Variants in TG observed in about 807,000 individuals in gnomAD.
The protein encoded by TG is thyroid hormones.
A neutral mutation model predicts 324.7 loss-of-function variants in TG; 270 were observed. The ratio of observed to expected loss-of-function variants is 0.83; its 90% CI spans 0.75 to 0.92. The LOEUF is 0.92. Among genes scored for constraint, TG ranks in the 40% least tolerant of loss-of-function variants. The pLI, the probability that TG is intolerant of heterozygous loss-of-function variation, is 0.00. For synonymous variants in TG, 1,401 were observed against 1,327.0 expected (o/e 1.06, Z -1.21); for missense variants, 3,591 against 3,456.4 (o/e 1.04, Z -0.98).
intron 41 of TG, among the ~76,000 whole-genome samples, chr8:133,065,811 A>T (rs955812484): frequency 7.9e-5 from 12 of 152,246 alleles, no homozygotes; most frequent in African/African-American, 2.4e-4. Context: ...AAGTAAAATA[A>T]AAGTCATCAA....
At position 132,941,489 on chromosome 8, in the gene TG, C is replaced by T; in HGVS notation, c.5180C>T (p.Ala1727Val). 1 of 1,614,220 alleles carries T rather than the reference C, an allele frequency of 6.2e-7. No homozygotes were observed. The highest frequency in any genetic ancestry group is 8.5e-7 in the Non-Finnish European group (1 of 1,180,046). ...GATGCTCACCTCTTCTGTCTTCTTG[C>T]ATGCGACCGTGATCTGTGTTGCGAT... ...LTDAHLFCLLACDRDLCCDGF... is the reference protein window; with the variant it reads ...LTDAHLFCLLVCDRDLCCDGF... Residue 1727 changes from alanine to valine, a missense_variant, in exon 26 of 48, where the codon GCA becomes GTA. Coordinates refer to ENST00000220616, the MANE Select transcript of TG (RefSeq NM_003235.5).
intron 35 of TG, among the ~76,000 whole-genome samples, chr8:133,004,791 A>G (rs1184388193): frequency 1.3e-5 from 2 of 152,052 alleles, no homozygotes; most frequent in Non-Finnish European, 2.9e-5. Context: ...CCAGATGCGG[A>G]TGTTAGAACG....
At chr8:133,113,811 A>C (rs1588127393) in intron 44 of TG, 1 of 610,574 alleles carries the variant, frequency 1.6e-6, no homozygotes. Context: ...CTGCCAGGAA[A>C]CCCCAAGCCA....
chr8:133,125,102 G>T (rs569647933), intron 45 of TG, among the ~76,000 whole-genome samples: 2 of 152,296 alleles, frequency 1.3e-5, no homozygotes, highest in South Asian at 4.1e-4. Flanking sequence ...TGATTTGACA[G>T]AGATTTACCT....
intron 44 of TG, among the ~76,000 whole-genome samples, chr8:133,114,129 C>A (rs1239407373): frequency 1.3e-5 from 2 of 152,226 alleles, no homozygotes; most frequent in African/African-American, 2.4e-5. Flanking sequence ...GCCCACCCGG[C>A]ACGTGGGAAG....
At chr8:132,955,834 C>T (rs1261799232) in intron 27 of TG, among the ~76,000 whole-genome samples, 1 of 152,206 alleles carries the variant, frequency 6.6e-6, no homozygotes, top group Non-Finnish European at 1.5e-5. Flanking sequence ...AGCGCATGAT[C>T]TCCTCAGAAG....
chr8:133,076,871 G>A (rs1445560677), intron 41 of TG: 2 of 152,070 alleles, frequency 1.3e-5, no homozygotes, highest in African/African-American at 4.8e-5. Context: ...TGGGTCACGG[G>A]AAAAGAACTA....
intron 41 of TG, chr8:133,049,622 A>G: frequency 2.3e-6 from 1 of 428,222 alleles, no homozygotes; most frequent in East Asian, 4.7e-5. Context: ...CTCCCATAAC[A>G]TTTCCCAGCT....
intron 38 of TG, among the ~76,000 whole-genome samples, chr8:133,018,903 A>G (rs992408592): frequency 7.9e-5 from 12 of 152,194 alleles, no homozygotes; most frequent in Admixed American, 6.5e-4. Flanking sequence ...TTCAGCTAGG[A>G]TGGTGGCAGT....
intron 34 of TG, among the ~76,000 whole-genome samples, chr8:132,980,318 G>A (rs549048651): frequency 6.6e-5 from 10 of 152,134 alleles, no homozygotes; most frequent in African/African-American, 2.4e-4. Flanking sequence ...ATTGACCAAT[G>A]GCCCATGACT....
At chr8:132,963,452 A>G (rs1389371534) in intron 29 of TG, among the ~76,000 whole-genome samples, 1 of 152,234 alleles carries the variant, frequency 6.6e-6, no homozygotes, top group Non-Finnish European at 1.5e-5. Flanking sequence ...CATGAATGAC[A>G]TGTCTGTGAG....
chr8:133,107,957 C>A (rs574690049), intron 43 of TG, among the ~76,000 whole-genome samples: 1 of 123,982 alleles, frequency 8.1e-6, no homozygotes, highest in Admixed American at 7.6e-5. Flanking sequence ...ATGATTGGGG[C>A]CAGTCCTTTT....
At chr8:132,880,759 C>CATGTAT (rs1814543050) in intron 5 of TG, among the ~76,000 whole-genome samples, 1 of 152,184 alleles carries the variant, frequency 6.6e-6, no homozygotes, top group Non-Finnish European at 1.5e-5. Context: ...AATTGCAATA[C>CATGTAT]ATGTATATGG....
intron 35 of TG, chr8:132,994,586 CAA>C: frequency 1.0e-6 from 1 of 965,564 alleles, no homozygotes; most frequent in South Asian, 1.7e-5. Context: ...TAGTGCTACA[CAA>C]AGTTTTTTTT....
chr8:133,075,196 G>A (rs4585737), intron 41 of TG: 390,689 of 865,790 alleles, frequency 0.45, 89,420 homozygotes, highest in Non-Finnish European at 0.46. Flanking sequence ...GCTTAACTCT[G>A]GATTCTGGAA....
At chr8:133,111,192 G>A (rs1410237974) in intron 43 of TG, among the ~76,000 whole-genome samples, 1 of 152,078 alleles carries the variant, frequency 6.6e-6, no homozygotes, top group East Asian at 1.9e-4. Flanking sequence ...TCTGATGTGG[G>A]GTCCTGCTTA....
chr8:132,887,801 A>G (rs1011339122), intron 9 of TG, among the ~76,000 whole-genome samples, 183 bp from the exon 10 acceptor site: 15 of 152,186 alleles, frequency 9.9e-5, no homozygotes, highest in African/African-American at 3.6e-4. Context: ...ACTGATGTCA[A>G]TGGTGCTGAT....
rs1398276252 is a variant in TG, at chr8:132,882,896, C to A, written c.972C>A (p.Asp324Glu). ...TTCCAAGCTGCCGCCGAAATGGCGACTATCAGGCGGTGCAGTGCCAGACGG... is the reference window on the plus strand; with the variant it reads ...TTCCAAGCTGCCGCCGAAATGGCGAATATCAGGCGGTGCAGTGCCAGACGG... ...PYVPSCRRNG[D>E]YQAVQCQTEG... The change falls in exon 8 of 48, where the codon GAC (aspartate) becomes GAA (glutamate). Residue 324 changes from aspartate to glutamate, a missense_variant. Transcript: ENST00000220616. 1 of 1,614,230 alleles carries A rather than the reference C, an allele frequency of 6.2e-7. No homozygotes were observed. Among genetic ancestry groups the A allele is most frequent in the African/African-American group, 1.3e-5 (1 of 75,062 alleles).
At chr8:133,079,197 C>T (rs1319858030) in intron 41 of TG, among the ~76,000 whole-genome samples, 1 of 152,184 alleles carries the variant, frequency 6.6e-6, no homozygotes, top group Non-Finnish European at 1.5e-5. Context: ...ATGACACTGT[C>T]AGGAGGTCAG....
Sources: allele counts gnomAD v4.1 joint callset (sites outside exome capture counted in the v4.1 genomes callset), GRCh38; gene constraint gnomAD v4.1.1; transcripts MANE v1.5; gene names NCBI Gene and HGNC (gene_info 2026-07-23, HGNC 2026-07-21).